SLC39A11: variants seen among roughly 807,000 people sequenced by gnomAD.
The protein encoded by SLC39A11 is solute carrier family 39 member 11, also known as zinc transporter ZIP11.
SLC39A11 carries 33 observed loss-of-function variants against 36.1 expected under a neutral mutation model. That is an observed-to-expected ratio of 0.91 (90% confidence interval 0.69 to 1.22). The LOEUF is 1.22. Among genes scored for constraint, SLC39A11 ranks in the 50% most tolerant of loss-of-function variants. The pLI, the probability that SLC39A11 is intolerant of heterozygous loss-of-function variation, is 0.00. For synonymous variants in SLC39A11, 166 were observed against 170.3 expected (o/e 0.97, Z 0.20); for missense variants, 432 against 430.3 (o/e 1.00, Z -0.03).
intron 6 of SLC39A11, among the ~76,000 whole-genome samples, chr17:72,746,778 G>C (rs2074955519): frequency 6.6e-6 from 1 of 151,534 alleles, no homozygotes; most frequent in Non-Finnish European, 1.5e-5. Context: ...TGGGTGTGCT[G>C]GTGTGCACCT....
In SLC39A11 at chr17:72,846,226, C is replaced by T. The variant is rs192867208; in HGVS notation, c.601+3408G>A. Among the ~76,000 whole-genome samples the T allele has an allele frequency of 8.9e-3, 1,352 of 151,998 alleles. 17 individuals are homozygous for T. The highest frequency in any genetic ancestry group is 0.031 in the African/African-American group (1,278 of 41,444). On this transcript the variant is annotated intron_variant, in intron 6 of 9. Transcript: ENST00000255559. ...TGTATTTTTAGTAGAGACGGGGTTT[C>T]GCCATGTTGGCCAGGCTGGTCTCAA...
chr17:73,039,613 T>C (rs2059040591), intron 3 of SLC39A11, among the ~76,000 whole-genome samples: 1 of 152,230 alleles, frequency 6.6e-6, no homozygotes, highest in Non-Finnish European at 1.5e-5. Flanking sequence ...CCAAATTAAG[T>C]ATTATACAGA....
chr17:72,787,284 G>A (rs1400108158), intron 6 of SLC39A11, among the ~76,000 whole-genome samples: 2 of 120,174 alleles, frequency 1.7e-5, no homozygotes, highest in Non-Finnish European at 3.3e-5. Flanking sequence ...TTGAGGCAGA[G>A]TCTCGCTCTG....
intron 5 of SLC39A11, among the ~76,000 whole-genome samples, chr17:72,870,647 G>A (rs1263480338): frequency 1.3e-5 from 2 of 152,220 alleles, no homozygotes; most frequent in South Asian, 2.1e-4. Flanking sequence ...TACAGGCCAC[G>A]CTCTCCTGCA....
Position 72,720,620 on chromosome 17 carries a change from G to T in SLC39A11, c.671+16030C>A, listed in dbSNP as rs186249763. Among the ~76,000 whole-genome samples the T allele has an allele frequency of 3.7e-4, 56 of 152,278 alleles. 1 individual carries two copies. Among genetic ancestry groups the T allele is most frequent in the African/African-American group, 1.3e-3 (54 of 41,546 alleles). ...ATGGGTGTGCCAGGAAGCAAGAGCA[G>T]TAGCTTCACCATGGACAGTGCTACC... On this transcript the variant is annotated intron_variant, in intron 7 of 9. Transcript: ENST00000255559.
chr17:72,841,961 A>G (rs1598952209), intron 6 of SLC39A11, among the ~76,000 whole-genome samples: 1 of 151,838 alleles, frequency 6.6e-6, no homozygotes, highest in African/African-American at 2.4e-5. Context: ...AGTCCCAGCT[A>G]CTCAGGAGGC....
chr17:72,890,283 AC>A (rs1188886871), intron 5 of SLC39A11, among the ~76,000 whole-genome samples: 128 of 108,802 alleles, frequency 1.2e-3, no homozygotes, highest in African/African-American at 2.9e-3. Context: ...AACAACAACA[AC>A]AAAAAAAAAA....
At chr17:72,750,082 C>T (rs1464738953) in intron 6 of SLC39A11, among the ~76,000 whole-genome samples, 2 of 152,132 alleles carry the variant, frequency 1.3e-5, no homozygotes, top group Non-Finnish European at 2.9e-5. Context: ...CCAGATGGGT[C>T]GAGGAATCAG....
At chr17:72,884,359 C>A (rs115281787) in intron 5 of SLC39A11, among the ~76,000 whole-genome samples, 1 of 152,170 alleles carries the variant, frequency 6.6e-6, no homozygotes. Context: ...ATCCTCAGAG[C>A]GTTCATCCCT....
chr17:72,699,257 G>A (rs1024930570), intron 7 of SLC39A11, among the ~76,000 whole-genome samples: 2 of 152,130 alleles, frequency 1.3e-5, no homozygotes, highest in Admixed American at 1.3e-4. Context: ...CTAACACTAA[G>A]GCAGCTGATG....
intron 6 of SLC39A11, among the ~76,000 whole-genome samples, chr17:72,829,593 C>A (rs1278552352): frequency 6.6e-6 from 1 of 152,126 alleles, no homozygotes; most frequent in African/African-American, 2.4e-5. Context: ...AACAAACATG[C>A]CGAATTAGGG....
chr17:73,036,329 A>G (rs2058913422), intron 3 of SLC39A11, among the ~76,000 whole-genome samples: 1 of 152,208 alleles, frequency 6.6e-6, no homozygotes, highest in Non-Finnish European at 1.5e-5. Flanking sequence ...CCACATACCC[A>G]AAACTTTCCC....
intron 6 of SLC39A11, among the ~76,000 whole-genome samples, chr17:72,763,140 A>G (rs1280582446): frequency 6.6e-6 from 1 of 152,094 alleles, no homozygotes; most frequent in Admixed American, 6.5e-5. Flanking sequence ...GAAGCTCCCA[A>G]CAGGATTTAG....
intron 7 of SLC39A11, among the ~76,000 whole-genome samples, chr17:72,687,522 C>T (rs549947615): frequency 2.0e-5 from 3 of 152,198 alleles, no homozygotes; most frequent in Admixed American, 1.3e-4. Flanking sequence ...GGATTACAGG[C>T]GTGAGCCACC....
At chr17:72,908,399 T>C (rs970459491) in intron 5 of SLC39A11, among the ~76,000 whole-genome samples, 2 of 152,234 alleles carry the variant, frequency 1.3e-5, no homozygotes, top group Non-Finnish European at 2.9e-5. Flanking sequence ...TGCAACCTGC[T>C]AGCCACACAC....
chr17:72,914,622 T>C, intron 5 of SLC39A11, among the ~76,000 whole-genome samples: 1 of 152,102 alleles, frequency 6.6e-6, no homozygotes, highest in South Asian at 2.1e-4. Context: ...GGCTCACGTC[T>C]GCATTCCCAG....
At chr17:72,814,749 A>T (rs1267692327) in intron 6 of SLC39A11, among the ~76,000 whole-genome samples, 1 of 151,930 alleles carries the variant, frequency 6.6e-6, no homozygotes, top group Admixed American at 6.6e-5. Context: ...GGCTGGGGGG[A>T]CCCCAAGAGG....
chr17:73,028,124 A>G (rs2058620358), intron 4 of SLC39A11, among the ~76,000 whole-genome samples: 1 of 152,134 alleles, frequency 6.6e-6, no homozygotes, highest in African/African-American at 2.4e-5. Flanking sequence ...CTCCATCATC[A>G]GGGGAATGAA....
chr17:72,785,282 G>A (rs1324107115), intron 6 of SLC39A11, among the ~76,000 whole-genome samples: 1 of 152,164 alleles, frequency 6.6e-6, no homozygotes, highest in Non-Finnish European at 1.5e-5. Context: ...CCATCAAGGA[G>A]GTTTTCTCTC....
Sources: gnomAD v4.1 joint callset for allele counts (sites outside exome capture counted in the v4.1 genomes callset) on GRCh38, gnomAD v4.1.1 for gene constraint, MANE v1.5 for transcripts, NCBI Gene and HGNC (gene_info 2026-07-23, HGNC 2026-07-21) for gene names.